CDH16: variants seen among roughly 807,000 people sequenced by gnomAD.
The protein encoded by CDH16 is cadherin-16.
Under a neutral mutation model 87.6 loss-of-function variants are expected in CDH16, and 79 were observed. The ratio of observed to expected loss-of-function variants is 0.90; its 90% CI spans 0.75 to 1.09. The LOEUF (loss-of-function observed/expected upper bound fraction) is 1.09. CDH16 is among the 50% of genes least tolerant of loss of function. The pLI, the probability that CDH16 is intolerant of heterozygous loss-of-function variation, is 0.00. For missense variants in CDH16, 1,124 were observed against 1,071.7 expected, an observed-to-expected ratio of 1.05 and a Z score of -0.68; for synonymous variants, 457 against 439.5, an observed-to-expected ratio of 1.04 and a Z score of -0.50.
rs538527260 is a variant in CDH16 at position 66,912,726 on chromosome 16, A to C, written c.1220T>G (p.Leu407Arg). ...SGSVTLGVLPLRAGQNILLLV... is the reference protein window; with the variant it reads ...SGSVTLGVLPRRAGQNILLLV... ...AAGCAGGATGTTCTGGCCTGCTCGG[A>C]GTGGGAGCACCCCCAGCGTCACACT... The change falls in exon 10 of 18, where the codon CTC becomes CGC. Residue 407 changes from leucine to arginine, a missense_variant. Coordinates refer to ENST00000299752, the MANE Select transcript of CDH16 (RefSeq NM_004062.4). 3 of 1,613,750 alleles carry C rather than the reference A, an allele frequency of 1.9e-6. No individual in the cohort carries two copies. The South Asian group carries it at 3.3e-5, about 18-fold the overall frequency.
At chr16:66,917,751 C>A (rs1296668364) in intron 2 of CDH16, 26 bp from the exon 3 acceptor site, 1 of 1,580,812 alleles carries the variant, frequency 6.3e-7, no homozygotes, top group Non-Finnish European at 8.7e-7. Flanking sequence ...CACCTTGTCA[C>A]CAGGCTCTAT....
Position 66,912,225 on chromosome 16 carries a change from G to T in CDH16, c.1548+17C>A. ...CGTGCATGTGTGGGCCCCTTTCCCA[G>T]CTACCCAGGCCCTCACCTTGCAGAG... On this transcript the variant is annotated intron_variant, in intron 12 of 17. Coordinates refer to ENST00000299752, the MANE Select transcript of CDH16 (RefSeq NM_004062.4). The T allele has an allele frequency of 6.2e-7, 1 of 1,600,546 alleles. No individual in the cohort carries two copies. The highest frequency in any genetic ancestry group is 8.5e-7 in the Non-Finnish European group (1 of 1,171,144).
At position 66,913,285 on chromosome 16, in the gene CDH16, C is replaced by T. The variant is rs369573374; in HGVS notation, c.904-4G>A. On this transcript the variant is annotated splice_polypyrimidine_tract_variant and splice_region_variant and intron_variant, in intron 8 of 17. Coordinates refer to ENST00000299752, the MANE Select transcript of CDH16 (RefSeq NM_004062.4). ...GAGCCCGCACCTGGAGCAGGTACTG[C>T]GGTGGGCAGTAGGGGGCTTCAGGTC... The T allele has an allele frequency of 1.8e-4, 284 of 1,550,876 alleles. No individual in the cohort carries two copies. The highest frequency in any genetic ancestry group is 1.5e-4 in the Non-Finnish European group (174 of 1,147,626).
chr16:66,910,565 C>T (rs1485718439), intron 14 of CDH16, 63 bp from the exon 15 acceptor site: 4 of 1,437,840 alleles, frequency 2.8e-6, no homozygotes, highest in Non-Finnish European at 3.7e-6. Context: ...CTCTGAGGTC[C>T]CTGGGCTGCT....
chr16:66,912,927 C>T, intron 9 of CDH16, 36 bp from the exon 10 acceptor site: 1 of 1,576,382 alleles, frequency 6.3e-7, no homozygotes, highest in Non-Finnish European at 8.7e-7. Flanking sequence ...AGGACCACAG[C>T]CCAGCCTGGA....
intron 3 of CDH16, among the ~76,000 whole-genome samples, 193 bp downstream of exon 3, chr16:66,917,449 A>T (rs1297712181): frequency 3.3e-5 from 5 of 152,236 alleles, no homozygotes; most frequent in Non-Finnish European, 7.3e-5. Context: ...AAGAAAAAAA[A>T]AAATCCAAAA....
At position 66,910,421 on chromosome 16, in the gene CDH16, G is replaced by C. The variant is rs757869779; in HGVS notation, c.2006C>G (p.Pro669Arg). ...TGTGCAGAGGTATTGGGAGGGCACA[G>C]GGGCAAGAGTCAGGGCTGGGGCAGG... is the stretch of plus-strand genomic sequence containing the variant. ...APPAPALTLAPVPSQYLCTPR... is the reference protein window; with the variant it reads ...APPAPALTLARVPSQYLCTPR... The change falls in exon 15 of 18, where the codon CCT (proline) becomes CGT (arginine). Residue 669 changes from proline (P) to arginine (R), a missense_variant. Coordinates refer to ENST00000299752, the MANE Select transcript of CDH16 (RefSeq NM_004062.4). The C allele has an allele frequency of 6.2e-7, 1 of 1,605,444 alleles. No homozygotes were observed.
rs202234964 is a variant in CDH16 at position 66,913,115 on chromosome 16, C to A, written c.1054+16G>T. 48 of 1,599,468 alleles carry A rather than the reference C, an allele frequency of 3.0e-5. No individual in the cohort carries two copies. In the East Asian group the frequency reaches 9.8e-4, roughly 33 times the overall value. Reference sequence around the variant, plus strand: ...GGTTAATAGAGACTTCGTCCCTCTCCCATCCTGTAGCTCACCTGGTGGACT... The same window carrying A: ...GGTTAATAGAGACTTCGTCCCTCTCACATCCTGTAGCTCACCTGGTGGACT... On this transcript the variant is annotated intron_variant, in intron 9 of 17. Coordinates refer to ENST00000299752, the MANE Select transcript of CDH16 (RefSeq NM_004062.4).
chr16:66,917,795 G>T, intron 2 of CDH16, 70 bp from the exon 3 acceptor site: 1 of 1,378,848 alleles, frequency 7.3e-7, no homozygotes, highest in Non-Finnish European at 1.0e-6. Context: ...CAACAGAAGA[G>T]CGGAATTTCC....
chr16:66,914,860 T>C (rs993220789), intron 6 of CDH16, among the ~76,000 whole-genome samples: 1 of 152,212 alleles, frequency 6.6e-6, no homozygotes, highest in African/African-American at 2.4e-5. Flanking sequence ...TTCACTTTTC[T>C]TTCCAACCCT....
intron 13 of CDH16, 66 bp downstream of exon 13, chr16:66,911,833 C>A: frequency 1.3e-6 from 2 of 1,510,374 alleles, no homozygotes; most frequent in Non-Finnish European, 8.9e-7. Context: ...CCCTCTGAGG[C>A]CCTGGGGTCA....
At position 66,909,258 on chromosome 16, in the gene CDH16, C is replaced by G; in HGVS notation, c.2392+9G>C. Reference sequence around the variant, plus strand: ...CTCGCCCACGCAGGTAATGTCCAACCTCCATTACCTATTGCTACCAGGGTG... The same window carrying G: ...CTCGCCCACGCAGGTAATGTCCAACGTCCATTACCTATTGCTACCAGGGTG... On this transcript the variant is annotated intron_variant, in intron 17 of 17. Coordinates refer to ENST00000299752, the MANE Select transcript of CDH16 (RefSeq NM_004062.4). This position sits in a 1 kb window ranked among gnomAD's most constrained non-coding sequence, Gnocchi z 4.1. 2 of 1,550,980 alleles carry G rather than the reference C, an allele frequency of 1.3e-6. No individual in the cohort carries two copies. Among genetic ancestry groups the G allele is most frequent in the South Asian group, 1.1e-5 (1 of 89,904 alleles).
chr16:66,917,788 C>G, intron 2 of CDH16, 63 bp from the exon 3 acceptor site: 1 of 1,413,882 alleles, frequency 7.1e-7, no homozygotes, highest in Non-Finnish European at 9.8e-7. Flanking sequence ...TGAGACCCAA[C>G]AGAAGAGCGG....
rs1326747863 is a variant in CDH16 at position 66,909,971 on chromosome 16, C to T, written c.2275+15G>A. 1 of 1,579,812 alleles carries T rather than the reference C, an allele frequency of 6.3e-7. No individual in the cohort carries two copies. Among genetic ancestry groups the T allele is most frequent in the East Asian group, 2.2e-5 (1 of 44,580 alleles). On this transcript the variant is annotated intron_variant, in intron 16 of 17. Coordinates refer to ENST00000299752, the MANE Select transcript of CDH16 (RefSeq NM_004062.4). The surrounding 1 kb of genome is among the most constrained non-coding windows in gnomAD (Gnocchi z 4.1). ...TCCCTCAGGAACTGCAGGCTGCACC[C>T]AAGCCCAATCTCACCTCGAACCAGG... is the stretch of plus-strand genomic sequence containing the variant.
rs1247599578 is a variant in CDH16 at position 66,910,355 on chromosome 16, T to C, written c.2072A>G (p.Lys691Arg). 1 of 1,613,820 alleles carries C rather than the reference T, an allele frequency of 6.2e-7. No homozygotes were observed. Among genetic ancestry groups the C allele is most frequent in the Non-Finnish European group, 8.5e-7 (1 of 1,179,870 alleles). The change falls in exon 15 of 18, where the codon AAG (lysine) becomes AGG (arginine). Residue 691 changes from lysine to arginine, a missense_variant. By Grantham distance (26) the Lys-to-Arg change is conservative. Transcript: ENST00000299752. The part of the protein sequence containing the change: ...DHGLIVSGPS[K>R]DPDLASGHGP... ...GTGCCCACTGGCCAGATCGGGGTCC[T>C]TGCTGGGTCCACTCACGATCAAGCC...
At chr16:66,915,104 C>G in intron 6 of CDH16, 116 bp downstream of exon 6, 7 of 968,982 alleles carry the variant, frequency 7.2e-6, no homozygotes, top group East Asian at 2.5e-5. Context: ...ACCTAGAGTG[C>G]CCTTCCCTCC....
chr16:66,911,156 G>A (rs747238150), intron 14 of CDH16, 26 bp downstream of exon 14: 1 of 1,593,316 alleles, frequency 6.3e-7, no homozygotes, highest in South Asian at 1.1e-5. Context: ...CCCCTCCCAG[G>A]GGCTCCCATC....
chr16:66,912,942 T>A (rs1373073177), intron 9 of CDH16, 51 bp from the exon 10 acceptor site: 3 of 1,526,956 alleles, frequency 2.0e-6, no homozygotes, highest in Non-Finnish European at 2.7e-6. Flanking sequence ...CCTGGAGACC[T>A]TACCCCACCC....
At chr16:66,910,576 C>T in intron 14 of CDH16, 74 bp from the exon 15 acceptor site, 1 of 1,406,188 alleles carries the variant, frequency 7.1e-7, no homozygotes, top group Non-Finnish European at 9.4e-7. Flanking sequence ...CTGGGCTGCT[C>T]CCGCAGCCCA....
Sources: allele counts gnomAD v4.1 joint callset (sites outside exome capture counted in the v4.1 genomes callset), GRCh38; gene constraint gnomAD v4.1.1; non-coding constraint Gnocchi (gnomAD v3.1); transcripts MANE v1.5; gene names NCBI Gene and HGNC (gene_info 2026-07-23, HGNC 2026-07-21).